KCNK12: variants seen among roughly 807,000 people sequenced by gnomAD.
KCNK12 encodes the protein potassium channel subfamily K member 12.
Under a neutral mutation model 25.3 loss-of-function variants are expected in KCNK12, and 6 were observed. The observed-to-expected ratio is 0.24, with a 90% CI of 0.13 to 0.47. KCNK12 has a LOEUF of 0.47. KCNK12 is among the 20% of genes least tolerant of loss of function. The pLI is 0.99. For synonymous variants in KCNK12, 331 were observed against 311.1 expected, an observed-to-expected ratio of 1.06 and a Z score of -0.67; for missense variants, 444 against 661.7, an observed-to-expected ratio of 0.67 and a Z score of 3.61.
chr2:47,562,819 A>G lies in KCNK12; in HGVS notation c.391+7122T>C. Reference sequence around the variant, plus strand: ...CCCGTGTAGAAACTCTGCAGAGAGTATGACCGTGTCTCTTAAAAAAACTTT... The same window carrying G: ...CCCGTGTAGAAACTCTGCAGAGAGTGTGACCGTGTCTCTTAAAAAAACTTT... On this transcript the variant is annotated intron_variant, in intron 1 of 1. Transcript: ENST00000327876. The surrounding 1 kb of genome is among the most constrained non-coding windows in gnomAD (Gnocchi z 4.8). 1 of 233,108 alleles carries G rather than the reference A, an allele frequency of 4.3e-6. No individual in the cohort carries two copies. Among genetic ancestry groups the G allele is most frequent in the Non-Finnish European group, 8.5e-6 (1 of 117,986 alleles). 14.4% of individuals were successfully genotyped at this position (233,108 alleles called of 1,614,324 possible).
In KCNK12 at chr2:47,514,649, C is replaced by T. The variant is rs1243489719; in HGVS notation, c.*6258G>A. Among the ~76,000 whole-genome samples, 2 of 150,364 alleles carry T rather than the reference C, an allele frequency of 1.3e-5. No individual in the cohort carries two copies. Among genetic ancestry groups the T allele is most frequent in the Non-Finnish European group, 3.0e-5 (2 of 67,778 alleles). On this transcript the variant is annotated 3_prime_UTR_variant, in exon 2 of 2. Coordinates refer to ENST00000327876, the MANE Select transcript of KCNK12 (RefSeq NM_022055.2). This position sits in a 1 kb window ranked among gnomAD's most constrained non-coding sequence, Gnocchi z 5.0. ...TTTTTGAGACAGGGTCTTACTCTGT[C>T]ACCAAGGCTGGAGTGCAGTGGCATG...
intron 1 of KCNK12, chr2:47,543,205 C>T (rs772111694): frequency 3.9e-5 from 6 of 152,072 alleles, no homozygotes; most frequent in South Asian, 2.1e-4. Flanking sequence ...ACACAACCAC[C>T]GTCACCACAA....
chr2:47,534,373 G>A (rs1255887014), intron 1 of KCNK12, among the ~76,000 whole-genome samples: 1 of 151,946 alleles, frequency 6.6e-6, no homozygotes, highest in African/African-American at 2.4e-5. Context: ...GGGAGCAGCT[G>A]TCAAGCTCGG....
At chr2:47,524,741 T>C (rs1347143312) in intron 1 of KCNK12, among the ~76,000 whole-genome samples, 1 of 152,204 alleles carries the variant, frequency 6.6e-6, no homozygotes, top group Non-Finnish European at 1.5e-5. Flanking sequence ...TTGTGAGTTT[T>C]TTTGTACTCA....
rs1669563264 is a variant in KCNK12 at position 47,557,029 on chromosome 2, G to C, written c.391+12912C>G. Among the ~76,000 whole-genome samples, 1 of 152,214 alleles carries C rather than the reference G, an allele frequency of 6.6e-6. No homozygotes were observed. Among genetic ancestry groups the C allele is most frequent in the Admixed American group, 6.5e-5 (1 of 15,274 alleles). On this transcript the variant is annotated intron_variant, in intron 1 of 1. Coordinates refer to ENST00000327876, the MANE Select transcript of KCNK12 (RefSeq NM_022055.2). The surrounding 1 kb of genome is among the most constrained non-coding windows in gnomAD (Gnocchi z 4.9). Reference sequence around the variant, plus strand: ...TTCTTGGATGCATCATCTGTGGGAGGCTGGAGAAGGCTGGAGAGGAACTCA... The same window carrying C: ...TTCTTGGATGCATCATCTGTGGGAGCCTGGAGAAGGCTGGAGAGGAACTCA...
rs1669847058 is a variant in KCNK12 at position 47,569,576 on chromosome 2, C to G, written c.391+365G>C. On this transcript the variant is annotated intron_variant, in intron 1 of 1. Coordinates refer to ENST00000327876, the MANE Select transcript of KCNK12 (RefSeq NM_022055.2). This position sits in a 1 kb window ranked among gnomAD's most constrained non-coding sequence, Gnocchi z 4.1. ...GGGAGAAGGGGCTTTTGAGATCATC[C>G]TGGAGAGGAAACTGAGGCCTGGGGG... Among the ~76,000 whole-genome samples the G allele has an allele frequency of 6.6e-6, 1 of 152,054 alleles. No homozygotes were observed. Among genetic ancestry groups the G allele is most frequent in the Non-Finnish European group, 1.5e-5 (1 of 67,996 alleles).
chr2:47,555,222 G>C lies in KCNK12; in HGVS notation c.391+14719C>G, dbSNP rs192854360. On this transcript the variant is annotated intron_variant, in intron 1 of 1. Transcript: ENST00000327876. The surrounding 1 kb of genome is among the most constrained non-coding windows in gnomAD (Gnocchi z 4.5). ...ATGGGTTTAAAGCCAAAGGGTGTGAGGGGGATCAGAGTATGCCATCCCCAA... is the reference window on the plus strand; with the variant it reads ...ATGGGTTTAAAGCCAAAGGGTGTGACGGGGATCAGAGTATGCCATCCCCAA... Among the ~76,000 whole-genome samples the C allele has an allele frequency of 3.3e-5, 5 of 152,330 alleles. No individual in the cohort carries two copies. The highest frequency in any genetic ancestry group is 4.4e-5 in the Non-Finnish European group (3 of 68,032).
rs1668876129 is a variant in KCNK12, at chr2:47,529,663, TG to T, written c.392-7856del. 6.6e-6 allele frequency among the ~76,000 whole-genome samples: 1 copy of T among 152,182 alleles called. No individual in the cohort carries two copies. Among genetic ancestry groups the T allele is most frequent in the South Asian group, 2.1e-4 (1 of 4,830 alleles). ...TTCCTTACCATGACTGGCTCAAGAATGGGTAGACCTAAGTCAATCAGTGCAG... is the reference window on the plus strand; with the variant it reads ...TTCCTTACCATGACTGGCTCAAGAATGGTAGACCTAAGTCAATCAGTGCAG... On this transcript the variant is annotated intron_variant, in intron 1 of 1. Transcript: ENST00000327876. The surrounding 1 kb of genome is among the most constrained non-coding windows in gnomAD (Gnocchi z 4.3).
At chr2:47,563,709 A>G (rs989994209) in intron 1 of KCNK12, 6 of 232,838 alleles carry the variant, frequency 2.6e-5, no homozygotes, top group Non-Finnish European at 5.1e-5. Flanking sequence ...CCTATTTGCT[A>G]TAATGGGCTG....
intron 1 of KCNK12, among the ~76,000 whole-genome samples, chr2:47,567,560 G>A (rs1320444644): frequency 6.6e-6 from 1 of 152,210 alleles, no homozygotes; most frequent in Non-Finnish European, 1.5e-5. Context: ...TCTGACTGAT[G>A]GAAGTGACCA....
Position 47,569,919 on chromosome 2 carries a change from G to C in KCNK12, c.391+22C>G, listed in dbSNP as rs1376602470. ...GGTGAAAGGCACAGAGAGGAAAGAT[G>C]CGCGGGGGACGCGCCGCTCACCTAT... On this transcript the variant is annotated intron_variant, in intron 1 of 1. Coordinates refer to ENST00000327876, the MANE Select transcript of KCNK12 (RefSeq NM_022055.2). The surrounding 1 kb of genome is among the most constrained non-coding windows in gnomAD (Gnocchi z 4.1). The C allele has an allele frequency of 1.5e-6, 2 of 1,336,888 alleles. No homozygotes were observed. Among genetic ancestry groups the C allele is most frequent in the Non-Finnish European group, 1.9e-6 (2 of 1,037,160 alleles). The allele number at this position is 1,336,888 out of a possible 1,614,324, so 82.8% of individuals were successfully genotyped here.
Position 47,521,399 on chromosome 2 carries a change from G to A in KCNK12, c.801C>T (p.His267=), listed in dbSNP as rs376341506. The A allele has an allele frequency of 3.1e-5, 50 of 1,613,366 alleles. No homozygotes were observed. Among genetic ancestry groups the A allele is most frequent in the Non-Finnish European group, 4.2e-5 (50 of 1,179,824 alleles). Residue 267 remains histidine (H), a synonymous_variant, in exon 2 of 2, where the codon CAC becomes CAT. Transcript: ENST00000327876. ...AGAGCCCCTGGTTCCGGTAGGCGGC[G>A]TGCTGGCTGCTCACCAGGTCCCCGA... ...IGFGDLVSSQ[H]AAYRNQGLYR...
At chr2:47,567,816 G>A (rs971731412) in intron 1 of KCNK12, among the ~76,000 whole-genome samples, 9 of 152,218 alleles carry the variant, frequency 5.9e-5, no homozygotes, top group Admixed American at 5.2e-4. Flanking sequence ...TCAAGAAAGA[G>A]AATATAGCTC....
Position 47,512,978 on chromosome 2 carries a change from G to A in KCNK12, c.*7929C>T, listed in dbSNP as rs1264204735. The stretch of plus-strand genomic sequence containing the variant: ...GGAGTACCAGCCTTGCTTGGTTCAT[G>A]GCCACTTTTCCTGATTATCTTGCAG... On this transcript the variant is annotated 3_prime_UTR_variant, in exon 2 of 2. Coordinates refer to ENST00000327876, the MANE Select transcript of KCNK12 (RefSeq NM_022055.2). 1 of 154,478 alleles carries A rather than the reference G, an allele frequency of 6.5e-6. No homozygotes were observed. Among genetic ancestry groups the A allele is most frequent in the Non-Finnish European group, 1.4e-5 (1 of 69,478 alleles). 9.6% of individuals were successfully genotyped at this position (154,478 alleles called of 1,614,324 possible).
At chr2:47,549,209 G>A (rs1405950586) in intron 1 of KCNK12, among the ~76,000 whole-genome samples, 3 of 152,154 alleles carry the variant, frequency 2.0e-5, no homozygotes, top group Non-Finnish European at 4.4e-5. Flanking sequence ...ATTCAGTAGA[G>A]ACCCCAAAAA....
At chr2:47,563,375 T>A (rs1163387499) in intron 1 of KCNK12, 1 of 233,416 alleles carries the variant, frequency 4.3e-6, no homozygotes, top group East Asian at 6.0e-5. Context: ...GTGCTGTTTG[T>A]GTGAGAATTA....
At chr2:47,568,012 G>C (rs1048114671) in intron 1 of KCNK12, among the ~76,000 whole-genome samples, 1 of 152,198 alleles carries the variant, frequency 6.6e-6, no homozygotes, top group Non-Finnish European at 1.5e-5. Context: ...GAGCTCATCA[G>C]AGAGGCACAG....
At chr2:47,563,573 C>G in intron 1 of KCNK12, 3 of 233,032 alleles carry the variant, frequency 1.3e-5, no homozygotes, top group Non-Finnish European at 2.5e-5. Context: ...TAAATTCACC[C>G]GCTTTGGGCT....
chr2:47,557,747 G>C lies in KCNK12; in HGVS notation c.391+12194C>G, dbSNP rs2104872250. Among the ~76,000 whole-genome samples the C allele has an allele frequency of 1.3e-5, 2 of 152,216 alleles. No homozygotes were observed. The highest frequency in any genetic ancestry group is 6.8e-3 in the Middle Eastern group (2 of 294). ...GCCCGAACAACTCCAATCAGTACAG[G>C]TGTATGACCCACTTCAGCTCTTGTT... On this transcript the variant is annotated intron_variant, in intron 1 of 1. Coordinates refer to ENST00000327876, the MANE Select transcript of KCNK12 (RefSeq NM_022055.2). The surrounding 1 kb of genome is among the most constrained non-coding windows in gnomAD (Gnocchi z 4.9).
Sources: allele counts gnomAD v4.1 joint callset (sites outside exome capture counted in the v4.1 genomes callset), GRCh38; gene constraint gnomAD v4.1.1; non-coding constraint Gnocchi (gnomAD v3.1); transcripts MANE v1.5; gene names NCBI Gene and HGNC (gene_info 2026-07-23, HGNC 2026-07-21).